NQO1: variants seen among roughly 807,000 people sequenced by gnomAD.
NQO1 encodes NAD(P)H quinone dehydrogenase 1, also known as NAD(P)H dehydrogenase [quinone] 1.
A neutral mutation model predicts 32.1 loss-of-function variants in NQO1; 30 were observed. The observed-to-expected ratio is 0.94, with a 90% CI of 0.70 to 1.27. The LOEUF (loss-of-function observed/expected upper bound fraction) is 1.27. NQO1 is among the 50% of genes most tolerant of loss of function. NQO1 has a pLI of 0.00. For synonymous variants in NQO1, 109 were observed against 119.7 expected, an observed-to-expected ratio of 0.91 and a Z score of 0.59; for missense variants, 276 against 331.3, an observed-to-expected ratio of 0.83 and a Z score of 1.30.
At position 69,713,058 on chromosome 16, in the gene NQO1, C is replaced by A. The variant is rs1211969516; in HGVS notation, c.489G>T (p.Gly163=). The A allele has an allele frequency of 4.3e-6, 7 of 1,613,932 alleles. No homozygotes were observed. The highest frequency in any genetic ancestry group is 4.2e-6 in the Non-Finnish European group (5 of 1,179,906). The change falls in exon 5 of 6, where the codon GGG becomes GGT. Residue 163 remains glycine, a synonymous_variant. Transcript: ENST00000320623. The stretch of plus-strand genomic sequence containing the variant: ...TTGGCCAGAGAATGACATTCATGTC[C>A]CCGTGGATCCCTTGCAGAGAGTACA... ...GSMYSLQGIH[G]DMNVILWPIQ... is the part of the protein sequence containing the mutation.
intron 1 of NQO1, among the ~76,000 whole-genome samples, chr16:69,723,833 G>C (rs575869861): frequency 4.3e-4 from 65 of 152,090 alleles, no homozygotes; most frequent in African/African-American, 1.5e-3. Context: ...CTTGTGAATA[G>C]GCAATTTAAA....
intron 3 of NQO1, 123 bp from the exon 4 acceptor site, chr16:69,715,200 C>T (rs2038097923): frequency 1.4e-6 from 1 of 713,896 alleles, no homozygotes; most frequent in Non-Finnish European, 2.5e-6. Flanking sequence ...ACACCTTTCC[C>T]ATTCCTCCTG....
In NQO1 at chr16:69,715,026, G is replaced by C. The variant is rs140464487; in HGVS notation, c.355C>G (p.Arg119Gly). ...TAAGCAAACTCTCCTATGAACACTC[G>C]CTCAAACCAGCCTTTCAGAATGGCA... is the stretch of plus-strand genomic sequence containing the variant. ...VPAILKGWFE[R>G]VFIGEFAYTY... Residue 119 changes from arginine to glycine, a missense_variant, in exon 4 of 6, where the codon CGA (arginine) becomes GGA (glycine). Transcript: ENST00000320623. 6 of 1,613,354 alleles carry C rather than the reference G, an allele frequency of 3.7e-6. No individual in the cohort carries two copies. The highest frequency in any genetic ancestry group is 5.1e-6 in the Non-Finnish European group (6 of 1,179,740).
rs865920150 is a variant in NQO1 at position 69,710,612 on chromosome 16, A to C, written c.*364T>G. ...AATTCCCTTCTGCCATAAACTACAG[A>C]GAGGTGATTAATAGAACATTGGAGA... On this transcript the variant is annotated 3_prime_UTR_variant, in exon 6 of 6. Transcript: ENST00000320623. 4.8e-5 allele frequency: 10 copies of C among 207,928 alleles called. No individual in the cohort carries two copies. The highest frequency in any genetic ancestry group is 2.2e-3 in the Middle Eastern group (1 of 460). The allele number at this position is 207,928 out of a possible 1,614,324, so 12.9% of individuals were successfully genotyped here.
intron 1 of NQO1, among the ~76,000 whole-genome samples, chr16:69,725,874 C>CAAACA (rs10595684): frequency 6.5e-4 from 97 of 150,372 alleles, no homozygotes; most frequent in East Asian, 5.6e-3. Flanking sequence ...AACTCCGTCT[C>CAAACA]AAACAAAACA....
chr16:69,726,447 G>T lies in NQO1; in HGVS notation c.-8C>A, dbSNP rs1183246437. ...GCAGCACTCACCGACCATGGCTCTG[G>T]TGCAGTCCGGGGCGCTGATTGGCTG... On this transcript the variant is annotated 5_prime_UTR_variant, in exon 1 of 6. Transcript: ENST00000320623. The T allele has an allele frequency of 6.2e-7, 1 of 1,610,384 alleles. No homozygotes were observed. Among genetic ancestry groups the T allele is most frequent in the Non-Finnish European group, 8.5e-7 (1 of 1,179,194 alleles).
chr16:69,713,888 G>GTTTTTTTTTTTTTTGTTTTTTTT (rs376877333), intron 4 of NQO1, among the ~76,000 whole-genome samples: 4 of 130,132 alleles, frequency 3.1e-5, no homozygotes, highest in Middle Eastern at 3.9e-3. Flanking sequence ...TTTTGTTTTT[G>GTTTTTTTTTTTTTTGTTTTTTTT]TTTTTGATAT....
intron 1 of NQO1, among the ~76,000 whole-genome samples, chr16:69,723,438 T>C (rs2038219635): frequency 6.6e-6 from 1 of 152,094 alleles, no homozygotes. Context: ...GCAACAAATA[T>C]AACCATCAAA....
intron 1 of NQO1, among the ~76,000 whole-genome samples, chr16:69,720,507 A>G (rs1390562796): frequency 1.3e-5 from 2 of 151,446 alleles, no homozygotes; most frequent in Non-Finnish European, 2.9e-5. Flanking sequence ...CCTTGGTATG[A>G]GGGGGAAAAA....
At position 69,710,666 on chromosome 16, in the gene NQO1, C is replaced by G. The variant is rs890792277; in HGVS notation, c.*310G>C. Reference sequence around the variant, plus strand: ...GAATGATACCTAGCCAAACTGTACCCTAAAACTTTAGCCCTAAAAAGAGGA... The same window carrying G: ...GAATGATACCTAGCCAAACTGTACCGTAAAACTTTAGCCCTAAAAAGAGGA... On this transcript the variant is annotated 3_prime_UTR_variant, in exon 6 of 6. Transcript: ENST00000320623. 1 of 315,332 alleles carries G rather than the reference C, an allele frequency of 3.2e-6. No individual in the cohort carries two copies. The highest frequency in any genetic ancestry group is 5.9e-6 in the Non-Finnish European group (1 of 170,330). The allele number at this position is 315,332 out of a possible 1,614,324, so 19.5% of individuals were successfully genotyped here.
intron 4 of NQO1, among the ~76,000 whole-genome samples, chr16:69,714,440 A>C (rs1439282804): frequency 6.6e-6 from 1 of 151,296 alleles, no homozygotes; most frequent in Non-Finnish European, 1.5e-5. Flanking sequence ...CAAAGTGCTG[A>C]AATTACAGGC....
chr16:69,711,654 CTTTTTTT>C (rs903633662), intron 5 of NQO1, among the ~76,000 whole-genome samples: 3 of 136,722 alleles, frequency 2.2e-5, no homozygotes, highest in African/African-American at 7.9e-5. Flanking sequence ...TTTTCTTTTT[CTTTTTTT>C]TTTTTTTTTT....
rs981394657 is a variant in NQO1 at position 69,714,959 on chromosome 16, C to T, written c.417+5G>A. The T allele has an allele frequency of 1.2e-6, 2 of 1,603,392 alleles. No homozygotes were observed. Among genetic ancestry groups the T allele is most frequent in the Non-Finnish European group, 1.7e-6 (2 of 1,170,596 alleles). On this transcript the variant is annotated splice_donor_5th_base_variant and intron_variant, in intron 4 of 5. Coordinates refer to ENST00000320623, the MANE Select transcript of NQO1 (RefSeq NM_000903.3). The stretch of plus-strand genomic sequence containing the variant: ...CTGTCAGAGCATTCAGAACCATCCA[C>T]CTACCCGGAAGGGTCCTTTGTCATA...
chr16:69,718,238 G>A lies in NQO1; in HGVS notation c.188C>T (p.Pro63Leu). The change falls in exon 3 of 6, where the codon CCT becomes CTT. Residue 63 changes from proline to leucine, a missense_variant. By Grantham distance (98) the Pro-to-Leu change is moderately conservative (BLOSUM62 -3). Transcript: ENST00000320623. ...RKDITGKLKD[P>L]ANFQYPAESV... ...CTCGGCAGGATACTGAAAGTTCGCA[G>A]GGTCCTTCAGTTTACCTGCAGAGAA... 2 of 1,614,164 alleles carry A rather than the reference G, an allele frequency of 1.2e-6. No individual in the cohort carries two copies. The highest frequency in any genetic ancestry group is 1.7e-6 in the Non-Finnish European group (2 of 1,180,036).
At position 69,709,514 on chromosome 16, in the gene NQO1, G is replaced by A. The variant is rs376055599; in HGVS notation, c.*1462C>T. On this transcript the variant is annotated 3_prime_UTR_variant, in exon 6 of 6. Transcript: ENST00000320623. ...TATTTTCAAACTGAAACACCCAGCC[G>A]TCAGCTATTGTGGATACTGTCGAGA... 3.5e-5 allele frequency: 13 copies of A among 366,294 alleles called. No homozygotes were observed. Among genetic ancestry groups the A allele is most frequent in the South Asian group, 1.5e-4 (1 of 6,746 alleles). 22.7% of individuals were successfully genotyped at this position (366,294 alleles called of 1,614,324 possible).
Position 69,726,529 on chromosome 16 carries a change from G to T in NQO1, c.-90C>A. 1.3e-6 allele frequency: 2 copies of T among 1,555,460 alleles called. No individual in the cohort carries two copies. Among genetic ancestry groups the T allele is most frequent in the Admixed American group, 1.8e-5 (1 of 54,516 alleles). On this transcript the variant is annotated 5_prime_UTR_variant, in exon 1 of 6. Coordinates refer to ENST00000320623, the MANE Select transcript of NQO1 (RefSeq NM_000903.3). ...AACTAGGCTCTCGGTGAGCTGGGCG[G>T]CTCCGGCTGCAACCTTGTGGGAGTC...
chr16:69,720,538 CT>C (rs111596119), intron 1 of NQO1, among the ~76,000 whole-genome samples: 422 of 143,844 alleles, frequency 2.9e-3, no homozygotes, highest in Middle Eastern at 3.6e-3. Context: ...TCACATTAAA[CT>C]TTTTTTTTTT....
intron 1 of NQO1, among the ~76,000 whole-genome samples, chr16:69,719,984 T>C (rs2038167968): frequency 6.6e-6 from 1 of 151,560 alleles, no homozygotes; most frequent in Admixed American, 6.6e-5. Context: ...CAGGTACGGT[T>C]GCTCACGCTT....
rs1215763489 is a variant in NQO1, at chr16:69,718,532, T to G, written c.10A>C (p.Arg4=). Reference sequence around the variant, plus strand: ...TGAGCCAGTACGATCAGTGCTCTTCTGCCTACAGAGACACACACAAAGCAC... The same window carrying G: ...TGAGCCAGTACGATCAGTGCTCTTCGGCCTACAGAGACACACACAAAGCAC... The part of the protein sequence containing the change: MVG[R]RALIVLAHSE... Residue 4 remains arginine, a splice_region_variant and synonymous_variant, in exon 2 of 6, where the codon AGA becomes CGA. Coordinates refer to ENST00000320623, the MANE Select transcript of NQO1 (RefSeq NM_000903.3). 1 of 1,613,286 alleles carries G rather than the reference T, an allele frequency of 6.2e-7. No homozygotes were observed. Among genetic ancestry groups the G allele is most frequent in the Non-Finnish European group, 8.5e-7 (1 of 1,179,836 alleles).
Sources: gnomAD v4.1 joint callset for allele counts (sites outside exome capture counted in the v4.1 genomes callset) on GRCh38, gnomAD v4.1.1 for gene constraint, MANE v1.5 for transcripts, NCBI Gene and HGNC (gene_info 2026-07-23, HGNC 2026-07-21) for gene names.